NAT9: variants seen among roughly 807,000 people sequenced by gnomAD.
NAT9 encodes alpha/beta-tubulin-N-acetyltransferase 9.
Under a neutral mutation model 24.0 loss-of-function variants are expected in NAT9, and 18 were observed. That is an observed-to-expected ratio of 0.75 (90% confidence interval 0.52 to 1.11). The LOEUF (loss-of-function observed/expected upper bound fraction) is 1.11. Ranked by LOEUF, NAT9 falls within the 50% of genes most tolerant of loss-of-function variation. The probability of loss-of-function intolerance (pLI) is 0.00; values close to 1 mark genes in which losing one functional copy is unlikely to be tolerated. For missense variants in NAT9, 254 were observed against 258.6 expected, an observed-to-expected ratio of 0.98 and a Z score of 0.12; for synonymous variants, 104 against 102.3, an observed-to-expected ratio of 1.02 and a Z score of -0.10.
At chr17:74,772,669 C>G in intron 4 of NAT9, 2 of 1,198,036 alleles carry the variant, frequency 1.7e-6, no homozygotes, top group Non-Finnish European at 2.2e-6. Context: ...CTACCCCAAA[C>G]CAAGGGTTAA....
intron 2 of NAT9, 23 bp downstream of exon 2, chr17:74,775,599 C>A: frequency 1.9e-6 from 3 of 1,608,050 alleles, no homozygotes; most frequent in Non-Finnish European, 2.6e-6. Flanking sequence ...TGATACGCAC[C>A]CCATGTCAAG....
chr17:74,772,788 A>T (rs946793315), intron 4 of NAT9, 108 bp downstream of exon 4: 4 of 1,505,962 alleles, frequency 2.7e-6, no homozygotes, highest in Admixed American at 1.9e-5. Context: ...CACCACATGG[A>T]GCCTCCCAGT....
At chr17:74,774,265 A>G (rs576324755) in intron 2 of NAT9, among the ~76,000 whole-genome samples, 1 of 152,318 alleles carries the variant, frequency 6.6e-6, no homozygotes, top group South Asian at 2.1e-4. Context: ...TCACTAATTT[A>G]CAATTAGGTG....
intron 4 of NAT9, 127 bp from the exon 5 acceptor site, chr17:74,772,404 G>T: frequency 6.9e-7 from 1 of 1,441,278 alleles, no homozygotes; most frequent in South Asian, 1.3e-5. Flanking sequence ...TTCTGCAGAC[G>T]AGGAAACAGG....
In NAT9 at chr17:74,773,568, C is replaced by G. The variant is rs2035535835; in HGVS notation, c.190+8G>C. On this transcript the variant is annotated splice_region_variant and intron_variant, in intron 3 of 6. Transcript: ENST00000357814. The stretch of plus-strand genomic sequence containing the variant: ...CAGGGCTAGGGGAAGTGGGGGGGCA[C>G]TCCTCACTGTCTGCATCTTCCTGCC... 6.2e-7 allele frequency: 1 copy of G among 1,612,698 alleles called. No homozygotes were observed. Among genetic ancestry groups the G allele is most frequent in the African/African-American group, 1.3e-5 (1 of 74,886 alleles).
At chr17:74,775,403 G>C in intron 2 of NAT9, 1 of 444,960 alleles carries the variant, frequency 2.2e-6, no homozygotes. Context: ...TACCCAAGCT[G>C]GTCTCGAACT....
At chr17:74,772,356 A>G (rs752005230) in intron 4 of NAT9, 79 bp from the exon 5 acceptor site, 10 of 1,555,176 alleles carry the variant, frequency 6.4e-6, no homozygotes, top group Non-Finnish European at 8.7e-6. Context: ...CATCTCATTT[A>G]ATTCTCAACA....
chr17:74,775,602 A>T lies in NAT9; in HGVS notation c.77+20T>A. On this transcript the variant is annotated intron_variant, in intron 2 of 6. Transcript: ENST00000357814. ...AGCTCTGGGTGCTGATACGCACCCC[A>T]TGTCAAGCGGGAAAGATACCTGGGC... The T allele has an allele frequency of 6.2e-7, 1 of 1,610,102 alleles. No homozygotes were observed. The highest frequency in any genetic ancestry group is 2.2e-5 in the East Asian group (1 of 44,866).
chr17:74,773,622 CA>C lies in NAT9; in HGVS notation c.143del (p.Leu48ArgfsTer44). 6.2e-7 allele frequency: 1 copy of C among 1,614,178 alleles called. No individual in the cohort carries two copies. The highest frequency in any genetic ancestry group is 8.5e-7 in the Non-Finnish European group (1 of 1,180,028). ...TGCACTGCATGGCATACTCCTGCTCCAGGGTCAGCGGCTCCGAGGCTGTCAA... is the reference window on the plus strand; with the variant it reads ...TGCACTGCATGGCATACTCCTGCTCCGGGTCAGCGGCTCCGAGGCTGTCAA... The part of the protein sequence containing the change: ...QRLTASEPLT[L>X]EQEYAMQCSW... On this transcript the variant is annotated frameshift_variant, in exon 3 of 7. Coordinates refer to ENST00000357814, the MANE Select transcript of NAT9 (RefSeq NM_015654.5). LOFTEE classifies it high-confidence loss of function.
At chr17:74,773,816 T>G in intron 2 of NAT9, 128 bp from the exon 3 acceptor site, 1 of 736,566 alleles carries the variant, frequency 1.4e-6, no homozygotes, top group Non-Finnish European at 2.3e-6. Flanking sequence ...TTATGATTGC[T>G]CCTAAGGCAG....
Position 74,773,051 on chromosome 17 carries a change from G to A in NAT9, c.191-12C>T. On this transcript the variant is annotated splice_polypyrimidine_tract_variant and intron_variant, in intron 3 of 6. Transcript: ENST00000357814. ...AATGAAGGTACACTCTGAGGAGGAG[G>A]TGACAGGGCTATCACACACACTCCC... The A allele has an allele frequency of 6.2e-7, 1 of 1,613,130 alleles. No homozygotes were observed. The highest frequency in any genetic ancestry group is 8.5e-7 in the Non-Finnish European group (1 of 1,179,718).
In NAT9 at chr17:74,772,367, A is replaced by G. The variant is rs554061269; in HGVS notation, c.335-90T>C. ...ACACCATCTCATTTAATTCTCAACA[A>G]CTCTGAAGTTGCTACTATCATTACC... On this transcript the variant is annotated intron_variant, in intron 4 of 6. Coordinates refer to ENST00000357814, the MANE Select transcript of NAT9 (RefSeq NM_015654.5). 2.4e-5 allele frequency: 36 copies of G among 1,527,816 alleles called. No individual in the cohort carries two copies. In the African/African-American group the frequency reaches 4.3e-4, roughly 18 times the overall value. 94.6% of individuals were successfully genotyped at this position (1,527,816 alleles called of 1,614,324 possible).
Position 74,772,039 on chromosome 17 carries a change from C to T in NAT9, c.410G>A (p.Gly137Asp). 6.2e-7 allele frequency: 1 copy of T among 1,614,206 alleles called. No individual in the cohort carries two copies. Among genetic ancestry groups the T allele is most frequent in the Non-Finnish European group, 8.5e-7 (1 of 1,180,036 alleles). The change falls in exon 6 of 7, where the codon GGT (glycine) becomes GAT (aspartate). Residue 137 changes from glycine (G) to aspartate (D), a missense_variant. By Grantham distance (94) the Gly-to-Asp change is moderately conservative. Transcript: ENST00000357814. ...AATTTTAGCCTCAAACTTGGTCAGA[C>T]CTAGCGTGGTCACTCCTCGCAGAGG... ...AMLSYGVTTL[G>D]LTKFEAKIGQ...
chr17:74,774,411 ATTT>A (rs1376637159), intron 2 of NAT9, among the ~76,000 whole-genome samples: 4 of 127,220 alleles, frequency 3.1e-5, no homozygotes, highest in African/African-American at 3.0e-5. Context: ...AGGTTCTGCT[ATTT>A]TTTTTTTTTT....
chr17:74,772,680 G>T, intron 4 of NAT9: 1 of 1,153,596 alleles, frequency 8.7e-7, no homozygotes, highest in Non-Finnish European at 1.2e-6. Context: ...CAAGGGTTAA[G>T]TTCACGCCTA....
At position 74,771,614 on chromosome 17, in the gene NAT9, T is replaced by C. The variant is rs2035209033; in HGVS notation, c.*110A>G. On this transcript the variant is annotated 3_prime_UTR_variant, in exon 7 of 7. Coordinates refer to ENST00000357814, the MANE Select transcript of NAT9 (RefSeq NM_015654.5). ...CCAGAGTCTGAAGGGCCTCGAAAGGTGATTCCCAGCCTGGGCCAGGAGCAC... is the reference window on the plus strand; with the variant it reads ...CCAGAGTCTGAAGGGCCTCGAAAGGCGATTCCCAGCCTGGGCCAGGAGCAC... 4.0e-6 allele frequency: 6 copies of C among 1,503,254 alleles called. No homozygotes were observed. The South Asian group carries it at 7.4e-5, about 18-fold the overall frequency. The allele number at this position is 1,503,254 out of a possible 1,614,324, so 93.1% of individuals were successfully genotyped here.
At chr17:74,772,177 G>A (rs2144168322) in intron 5 of NAT9, 41 bp downstream of exon 5, 1 of 1,614,108 alleles carries the variant, frequency 6.2e-7, no homozygotes, top group Middle Eastern at 1.6e-4. Flanking sequence ...GTTCACCTGG[G>A]GCCTGCCCAC....
intron 4 of NAT9, chr17:74,772,572 T>A: frequency 2.8e-6 from 4 of 1,403,958 alleles, no homozygotes; most frequent in Non-Finnish European, 2.8e-6. Flanking sequence ...CAGGAGGGCC[T>A]CCTCCTGTAA....
At chr17:74,773,486 G>A (rs977380943) in intron 3 of NAT9, 90 bp downstream of exon 3, 23 of 1,147,722 alleles carry the variant, frequency 2.0e-5, no homozygotes, top group South Asian at 7.5e-5. Flanking sequence ...TTCTATGGCC[G>A]GGGCTGGGAA....
Sources: gnomAD v4.1 joint callset for allele counts (sites outside exome capture counted in the v4.1 genomes callset) on GRCh38, gnomAD v4.1.1 for gene constraint, MANE v1.5 for transcripts, NCBI Gene and HGNC (gene_info 2026-07-23, HGNC 2026-07-21) for gene names.